Variants in CFAP99 observed in about 807,000 individuals in gnomAD.
CFAP99 encodes cilia and flagella associated protein 99.
CFAP99 carries 84 observed loss-of-function variants against 82.7 expected under a neutral mutation model. That is an observed-to-expected ratio of 1.02 (90% CI 0.85 to 1.22). The LOEUF is 1.22. CFAP99 is among the 50% of genes most tolerant of loss of function. The pLI is 0.00. For missense variants in CFAP99, 1,059 were observed against 983.5 expected (o/e 1.08, Z -1.03); for synonymous variants, 456 against 429.5 (o/e 1.06, Z -0.76).
intron 13 of CFAP99, among the ~76,000 whole-genome samples, chr4:2,459,802 G>A (rs763246405): frequency 6.6e-6 from 1 of 152,234 alleles, no homozygotes; most frequent in Non-Finnish European, 1.5e-5. Flanking sequence ...AGCTCCATTT[G>A]GGACTTGCCA....
Position 2,448,508 on chromosome 4 carries a change from G to A in CFAP99, c.643-1162G>A, listed in dbSNP as rs1734220838. ...TGTAATTCACTCATTCATTATCTCAGACAAAGGAGATAAGACGTGTTGGAG... is the reference window on the plus strand; with the variant it reads ...TGTAATTCACTCATTCATTATCTCAAACAAAGGAGATAAGACGTGTTGGAG... On this transcript the variant is annotated intron_variant, in intron 6 of 14. Transcript: ENST00000635017. The surrounding 1 kb of genome is among the most constrained non-coding windows in gnomAD (Gnocchi z 5.2). Among the ~76,000 whole-genome samples, 1 of 152,220 alleles carries A rather than the reference G, an allele frequency of 6.6e-6. No homozygotes were observed. The highest frequency in any genetic ancestry group is 6.5e-5 in the Admixed American group (1 of 15,290).
At chr4:2,456,932 G>A (rs1445504738) in intron 11 of CFAP99, among the ~76,000 whole-genome samples, 1 of 150,418 alleles carries the variant, frequency 6.6e-6, no homozygotes, top group African/African-American at 2.4e-5. Context: ...GATGTCATGG[G>A]TAATCATTCT....
At position 2,452,293 on chromosome 4, in the gene CFAP99, C is replaced by T. The variant is rs918030337; in HGVS notation, c.1108C>T (p.Arg370Trp). The change falls in exon 11 of 15, where the codon CGG (arginine) becomes TGG (tryptophan). Residue 370 changes from arginine to tryptophan, a missense_variant. Coordinates refer to ENST00000635017, the Ensembl canonical transcript of CFAP99. ...TAGCCATGAGGAGGCCGTCCTAGCC[C>T]GGCAGAGCCTCATGCAGGAGAACAA... 6.1e-5 allele frequency: 93 copies of T among 1,535,466 alleles called. No individual in the cohort carries two copies. The highest frequency in any genetic ancestry group is 7.4e-5 in the Non-Finnish European group (85 of 1,146,878).
In CFAP99 at chr4:2,448,922, TGA is replaced by T. The variant is rs1734231401; in HGVS notation, c.643-743_643-742del. On this transcript the variant is annotated intron_variant, in intron 6 of 14. Coordinates refer to ENST00000635017, the Ensembl canonical transcript of CFAP99. The surrounding 1 kb of genome is among the most constrained non-coding windows in gnomAD (Gnocchi z 5.2). ...GGTGGGCAGGAGATGGATGTGGGTG[TGA>T]GAGACAGAGGTGACAAGGAGGACTC... Among the ~76,000 whole-genome samples, 1 of 151,954 alleles carries T rather than the reference TGA, an allele frequency of 6.6e-6. No individual in the cohort carries two copies. Among genetic ancestry groups the T allele is most frequent in the African/African-American group, 2.4e-5 (1 of 41,370 alleles).
intron 1 of CFAP99, among the ~76,000 whole-genome samples, chr4:2,423,301 G>A (rs1733620692): frequency 1.3e-5 from 2 of 152,256 alleles, no homozygotes; most frequent in Non-Finnish European, 2.9e-5. Context: ...CCATACTGGT[G>A]GCCTGGCCTG....
chr4:2,428,748 G>C (rs1019535681), intron 2 of CFAP99: 7 of 152,722 alleles, frequency 4.6e-5, no homozygotes, highest in African/African-American at 1.7e-4. Flanking sequence ...GGGGTGCACG[G>C]GCTCAGCGGC....
chr4:2,426,024 C>G (rs151054035), intron 1 of CFAP99, among the ~76,000 whole-genome samples: 1,734 of 152,336 alleles, frequency 0.011, 33 homozygotes, highest in African/African-American at 0.039. Flanking sequence ...GAAACCGTCA[C>G]CTTCCCGGGC....
chr4:2,443,746 C>A (rs969869138), intron 5 of CFAP99, among the ~76,000 whole-genome samples: 2 of 152,146 alleles, frequency 1.3e-5, no homozygotes, highest in African/African-American at 4.8e-5. Flanking sequence ...CTCGGGGTCC[C>A]CAAGCCTGCT....
In CFAP99 at chr4:2,450,174, C is replaced by T. The variant is rs1365380304; in HGVS notation, c.795+169C>T. ...GGGAAAGTGTGCCTTGAGCCCACTG[C>T]GATGTGGCCCCTAAGCAGGCGGGTG... On this transcript the variant is annotated intron_variant, in intron 8 of 14. Transcript: ENST00000635017. 29 of 687,140 alleles carry T rather than the reference C, an allele frequency of 4.2e-5. No homozygotes were observed. In the South Asian group the frequency reaches 4.3e-4, roughly 10 times the overall value. The allele number at this position is 687,140 out of a possible 1,614,324, so 42.6% of individuals were successfully genotyped here.
chr4:2,443,371 C>T, intron 5 of CFAP99, 129 bp downstream of exon 5: 1 of 654,088 alleles, frequency 1.5e-6, no homozygotes, highest in East Asian at 2.7e-5. Flanking sequence ...AGTAATCACT[C>T]CGTGTTCGGA....
intron 5 of CFAP99, 43 bp downstream of exon 5, chr4:2,443,285 C>A: frequency 2.3e-6 from 3 of 1,299,358 alleles, no homozygotes; most frequent in Non-Finnish European, 3.2e-6. Context: ...ATGGCATCTG[C>A]ACCCCATTCC....
At chr4:2,426,112 A>G (rs1176764734) in intron 1 of CFAP99, among the ~76,000 whole-genome samples, 1 of 152,156 alleles carries the variant, frequency 6.6e-6, no homozygotes, top group Non-Finnish European at 1.5e-5. Flanking sequence ...GGGTCACCCC[A>G]TCCAGGAGGC....
intron 10 of CFAP99, 132 bp downstream of exon 10, chr4:2,451,484 C>T: frequency 2.6e-6 from 2 of 767,798 alleles, no homozygotes; most frequent in Non-Finnish European, 2.1e-6. Context: ...TGTGGTCCTG[C>T]AGCAACAGGG....
At chr4:2,441,503 C>G (rs1354651042) in intron 4 of CFAP99, among the ~76,000 whole-genome samples, 1 of 152,176 alleles carries the variant, frequency 6.6e-6, no homozygotes, top group East Asian at 1.9e-4. Context: ...GGACAGAGTG[C>G]TCAGGGGCTG....
chr4:2,419,321 G>T (rs1172171339), intron 1 of CFAP99, among the ~76,000 whole-genome samples: 2 of 151,766 alleles, frequency 1.3e-5, no homozygotes, highest in Non-Finnish European at 2.9e-5. Context: ...CCCCAGTGGT[G>T]CCCTAATTTG....
intron 4 of CFAP99, among the ~76,000 whole-genome samples, 177 bp downstream of exon 4, chr4:2,438,341 CAA>C (rs1427303459): frequency 2.6e-5 from 4 of 152,310 alleles, no homozygotes; most frequent in African/African-American, 9.6e-5. Flanking sequence ...CAGCTCACTG[CAA>C]ACTCTGCCTC....
chr4:2,426,900 T>G, intron 2 of CFAP99: 1 of 299,840 alleles, frequency 3.3e-6, no homozygotes. Context: ...CACCCCCACT[T>G]TGGGGGGCAT....
intron 2 of CFAP99, chr4:2,428,571 C>T (rs9993090): frequency 0.69 from 104,737 of 150,766 alleles, 36,967 homozygotes; most frequent in East Asian, 0.99. Context: ...ACCCCGCACC[C>T]CCTTGTTGCC....
intron 2 of CFAP99, among the ~76,000 whole-genome samples, chr4:2,430,820 C>T (rs1038761953): frequency 6.6e-6 from 1 of 152,154 alleles, no homozygotes; most frequent in African/African-American, 2.4e-5. Flanking sequence ...TGCCTGTAAT[C>T]TCAGCACGTT....
Sources: allele counts gnomAD v4.1 joint callset (sites outside exome capture counted in the v4.1 genomes callset), GRCh38; gene constraint gnomAD v4.1.1; non-coding constraint Gnocchi (gnomAD v3.1); transcripts MANE v1.5; gene names NCBI Gene and HGNC (gene_info 2026-07-23, HGNC 2026-07-21).